The following CTNNB1 variants were observed in gnomAD, a reference collection of about 807,000 sequenced individuals.
CTNNB1 encodes catenin beta-1.
CTNNB1 carries 6 observed loss-of-function variants against 82.5 expected under a neutral mutation model. The observed-to-expected ratio is 0.07, with a 90% CI of 0.04 to 0.14. The LOEUF is 0.14. Among genes scored for constraint, CTNNB1 ranks in the 10% least tolerant of loss-of-function variants. The pLI is 1.00. For missense variants in CTNNB1, 529 were observed against 980.4 expected (o/e 0.54, Z 6.15); for synonymous variants, 312 against 329.7 (o/e 0.95, Z 0.58).
intron 10 of CTNNB1, chr3:41,235,454 C>G (rs1293017350): frequency 2.0e-6 from 1 of 508,860 alleles, no homozygotes; most frequent in Non-Finnish European, 3.5e-6. Context: ...TGATTGGTGC[C>G]CTTACTGTAG....
At chr3:41,222,610 C>T (rs1292958951) in intron 1 of CTNNB1, among the ~76,000 whole-genome samples, 1 of 152,108 alleles carries the variant, frequency 6.6e-6, no homozygotes, top group African/African-American at 2.4e-5. Context: ...TTATAAATTG[C>T]GGTCAAGTTA....
At chr3:41,203,039 T>G (rs1250807063) in intron 1 of CTNNB1, among the ~76,000 whole-genome samples, 1 of 143,142 alleles carries the variant, frequency 7.0e-6, no homozygotes, top group Non-Finnish European at 1.5e-5. Context: ...TAGCCACTTT[T>G]TTTTTTTTTT....
chr3:41,234,941 T>A (rs2078400827), intron 10 of CTNNB1: 1 of 156,724 alleles, frequency 6.4e-6, no homozygotes, highest in Admixed American at 6.1e-5. Context: ...AGGAATCTCA[T>A]TTTGCTGGTT....
intron 7 of CTNNB1, among the ~76,000 whole-genome samples, chr3:41,229,436 G>A (rs753950714): frequency 2.6e-5 from 4 of 152,106 alleles, no homozygotes; most frequent in Non-Finnish European, 5.9e-5. Flanking sequence ...CTGGTTAGTT[G>A]TATTCCTAGG....
chr3:41,200,431 A>G (rs1026974580), intron 1 of CTNNB1: 3 of 152,210 alleles, frequency 2.0e-5, no homozygotes, highest in Admixed American at 1.3e-4. Context: ...GATTTATGGT[A>G]GTGGGTATGA....
intron 1 of CTNNB1, among the ~76,000 whole-genome samples, chr3:41,214,600 T>G (rs1189063320): frequency 2.6e-5 from 4 of 152,154 alleles, no homozygotes; most frequent in Non-Finnish European, 5.9e-5. Context: ...ATTAACCCAC[T>G]TAAAAACCCT....
intron 1 of CTNNB1, among the ~76,000 whole-genome samples, chr3:41,216,121 C>T (rs551606842): frequency 7.9e-5 from 12 of 152,138 alleles, no homozygotes; most frequent in Non-Finnish European, 1.3e-4. Flanking sequence ...GCTATTCTTA[C>T]ATTAATACTG....
chr3:41,216,308 C>G (rs906373858), intron 1 of CTNNB1, among the ~76,000 whole-genome samples: 1 of 152,144 alleles, frequency 6.6e-6, no homozygotes, highest in Non-Finnish European at 1.5e-5. Context: ...AAGGCAGTAT[C>G]CTAAAATTAT....
At chr3:41,224,257 G>T in intron 2 of CTNNB1, 176 bp downstream of exon 2, 2 of 819,912 alleles carry the variant, frequency 2.4e-6, no homozygotes, top group East Asian at 2.6e-5. Context: ...CAAGCCACCA[G>T]CAGGAATCTA....
chr3:41,204,176 A>T (rs893109151), intron 1 of CTNNB1, among the ~76,000 whole-genome samples: 9 of 152,146 alleles, frequency 5.9e-5, no homozygotes, highest in African/African-American at 1.9e-4. Flanking sequence ...TCCTCCATCA[A>T]GGACCATACT....
chr3:41,223,668 T>C (rs1369496975), intron 1 of CTNNB1, among the ~76,000 whole-genome samples: 1 of 152,184 alleles, frequency 6.6e-6, no homozygotes, highest in African/African-American at 2.4e-5. Flanking sequence ...AGGAGAGACC[T>C]TTAGGAATTC....
Position 41,236,353 on chromosome 3 carries a change from T to C in CTNNB1, c.1808T>C (p.Leu603Pro). 6.2e-7 allele frequency: 1 copy of C among 1,614,224 alleles called. No individual in the cohort carries two copies. Among genetic ancestry groups the C allele is most frequent in the African/African-American group, 1.3e-5 (1 of 75,068 alleles). The change falls in exon 12 of 15, where the codon CTT (leucine) becomes CCT (proline). Residue 603 changes from leucine to proline, a missense_variant. This residue lies in a region of CTNNB1 where 411 missense variants were observed against 776.4 expected (regional missense o/e 0.53). Coordinates refer to ENST00000349496, the MANE Select transcript of CTNNB1 (RefSeq NM_001904.4). ...TTGTTTGTGTTTTCTCCTTAGCTGC[T>C]TTATTCTCCCATTGAAAACATCCAA... ...LNTIPLFVQL[L>P]YSPIENIQRV...
At chr3:41,202,540 A>C (rs1158982231) in intron 1 of CTNNB1, among the ~76,000 whole-genome samples, 1 of 152,214 alleles carries the variant, frequency 6.6e-6, no homozygotes, top group Non-Finnish European at 1.5e-5. Flanking sequence ...TATACCATAA[A>C]AGTAAATAGT....
At position 41,236,406 on chromosome 3, in the gene CTNNB1, C is replaced by T. The variant is rs1436728556; in HGVS notation, c.1861C>T (p.Leu621Phe). ...AGTAGCTGCAGGGGTCCTCTGTGAACTTGCTCAGGACAAGGAAGCTGCAGA... is the reference window on the plus strand; with the variant it reads ...AGTAGCTGCAGGGGTCCTCTGTGAATTTGCTCAGGACAAGGAAGCTGCAGA... The part of the protein sequence containing the change: ...QRVAAGVLCE[L>F]AQDKEAAEAI... The change falls in exon 12 of 15, where the codon CTT becomes TTT. Residue 621 changes from leucine (L) to phenylalanine (F), a missense_variant. By Grantham distance (22) the Leu-to-Phe change is conservative (BLOSUM62 0). Around this residue, in one of 4 missense-constraint regions of CTNNB1, gnomAD observed 411 missense variants for 776.4 expected, o/e 0.53. Coordinates refer to ENST00000349496, the MANE Select transcript of CTNNB1 (RefSeq NM_001904.4). 2 of 1,614,174 alleles carry T rather than the reference C, an allele frequency of 1.2e-6. No individual in the cohort carries two copies. Among genetic ancestry groups the T allele is most frequent in the South Asian group, 2.2e-5 (2 of 91,080 alleles).
rs766327635 is a variant in CTNNB1, at chr3:41,235,494, T to C, written c.1684-230T>C. On this transcript the variant is annotated intron_variant, in intron 10 of 14. Transcript: ENST00000349496. ...GTTGTCTTTGGGATTCAGCGCTGTATGGAAGCTCTGTTGCACTGTGTATGG... is the reference window on the plus strand; with the variant it reads ...GTTGTCTTTGGGATTCAGCGCTGTACGGAAGCTCTGTTGCACTGTGTATGG... 3.5e-4 allele frequency: 204 copies of C among 580,328 alleles called. 1 individual carries two copies. Among genetic ancestry groups the C allele is most frequent in the Non-Finnish European group, 4.4e-4 (145 of 325,916 alleles). 35.9% of individuals were successfully genotyped at this position (580,328 alleles called of 1,614,324 possible).
In CTNNB1 at chr3:41,240,339, C is replaced by A; in HGVS notation, c.*997C>A. The A allele has an allele frequency of 5.3e-6, 1 of 189,876 alleles. No individual in the cohort carries two copies. Among genetic ancestry groups the A allele is most frequent in the Non-Finnish European group, 1.1e-5 (1 of 90,054 alleles). The allele number at this position is 189,876 out of a possible 1,614,324, so 11.8% of individuals were successfully genotyped here. On this transcript the variant is annotated 3_prime_UTR_variant, in exon 15 of 15. Coordinates refer to ENST00000349496, the MANE Select transcript of CTNNB1 (RefSeq NM_001904.4). Reference sequence around the variant, plus strand: ...TTGGAACCTTGTTTTGGACAGTTTACCAGTTGCCTTTTATCCCAAAGTTGT... The same window carrying A: ...TTGGAACCTTGTTTTGGACAGTTTAACAGTTGCCTTTTATCCCAAAGTTGT...
intron 1 of CTNNB1, among the ~76,000 whole-genome samples, chr3:41,209,240 A>G (rs1398390960): frequency 1.3e-5 from 2 of 152,214 alleles, no homozygotes; most frequent in East Asian, 3.8e-4. Flanking sequence ...TTACTCCAGT[A>G]TCATAGCTTT....
chr3:41,235,863 T>G lies in CTNNB1; in HGVS notation c.1803+20T>G. On this transcript the variant is annotated intron_variant, in intron 11 of 14. Transcript: ENST00000349496. Reference sequence around the variant, plus strand: ...GTGCAGGTATGTTTTAAGTGAAGTGTTCTAGGTTTTATGTCCATAAAATTT... The same window carrying G: ...GTGCAGGTATGTTTTAAGTGAAGTGGTCTAGGTTTTATGTCCATAAAATTT... The G allele has an allele frequency of 3.1e-6, 5 of 1,613,978 alleles. No individual in the cohort carries two copies. Among genetic ancestry groups the G allele is most frequent in the Non-Finnish European group, 4.2e-6 (5 of 1,179,818 alleles).
chr3:41,228,680 G>C (rs982344936), intron 7 of CTNNB1, among the ~76,000 whole-genome samples: 3 of 152,114 alleles, frequency 2.0e-5, no homozygotes, highest in Non-Finnish European at 2.9e-5. Context: ...CCATTCTGTA[G>C]GTTGTCTGTT....
Sources: gnomAD v4.1 joint callset for allele counts (sites outside exome capture counted in the v4.1 genomes callset) on GRCh38, gnomAD v4.1.1 for gene constraint, gnomAD v4.1.1 regional missense constraint, MANE v1.5 for transcripts, NCBI Gene and HGNC (gene_info 2026-07-23, HGNC 2026-07-21) for gene names.